The following BIVM variants were observed in gnomAD, a reference collection of about 807,000 sequenced individuals.
BIVM encodes basic immunoglobulin-like variable motif-containing protein.
BIVM carries 31 observed loss-of-function variants against 61.4 expected under a neutral mutation model. That is an observed-to-expected ratio of 0.51 (90% confidence interval 0.38 to 0.68). The LOEUF is 0.68. BIVM is among the 30% of genes least tolerant of loss of function. BIVM has a pLI of 0.00. For missense variants in BIVM, 526 were observed against 596.0 expected (o/e 0.88, Z 1.22); for synonymous variants, 189 against 210.7 (o/e 0.90, Z 0.89).
At chr13:102,801,287 G>A (rs1250079385) in intron 1 of BIVM, among the ~76,000 whole-genome samples, 1 of 147,452 alleles carries the variant, frequency 6.8e-6, no homozygotes, top group Non-Finnish European at 1.5e-5. Flanking sequence ...TGCTCTGATC[G>A]CCCAGGCTGG....
chr13:102,831,901 C>T (rs1048756807), intron 8 of BIVM, among the ~76,000 whole-genome samples: 5 of 144,214 alleles, frequency 3.5e-5, no homozygotes, highest in South Asian at 4.4e-4. Context: ...AAAAATTAGC[C>T]GGGCGTGGTG....
At chr13:102,810,043 G>A (rs1355022149) in intron 3 of BIVM, among the ~76,000 whole-genome samples, 2 of 152,030 alleles carry the variant, frequency 1.3e-5, no homozygotes, top group East Asian at 3.9e-4. Flanking sequence ...AAAGTGCTGG[G>A]ATTACAGGCG....
intron 9 of BIVM, among the ~76,000 whole-genome samples, chr13:102,835,801 G>A (rs912466577): frequency 1.3e-5 from 2 of 152,176 alleles, no homozygotes; most frequent in African/African-American, 4.8e-5. Flanking sequence ...CCAAAGTGTT[G>A]GGATTACAGG....
chr13:102,830,483 G>C (rs1243201991), intron 7 of BIVM, among the ~76,000 whole-genome samples: 1 of 152,156 alleles, frequency 6.6e-6, no homozygotes, highest in Admixed American at 6.5e-5. Flanking sequence ...ACTAAGTGCT[G>C]GTGAAAAGTC....
rs79307736 is a variant in BIVM, at chr13:102,818,836, C to T, written c.606-2201C>T. ...ATGAAAAATCTTAAGAGAAATTCCC[C>T]TTTCCCTCTCCTTTTTAAAAATTCT... On this transcript the variant is annotated intron_variant, in intron 4 of 10. Transcript: ENST00000257336. Among the ~76,000 whole-genome samples, 304 of 152,308 alleles carry T rather than the reference C, an allele frequency of 2.0e-3. 1 individual carries two copies. Among genetic ancestry groups the T allele is most frequent in the African/African-American group, 7.0e-3 (289 of 41,570 alleles).
In BIVM at chr13:102,831,548, T is replaced by G. The variant is rs186876693; in HGVS notation, c.902-17T>G. On this transcript the variant is annotated splice_polypyrimidine_tract_variant and intron_variant, in intron 7 of 10. Coordinates refer to ENST00000257336, the MANE Select transcript of BIVM (RefSeq NM_017693.4). Reference sequence around the variant, plus strand: ...CTTTATGGGCTTTCAGTTTGTGTGTTTGTTTGTTTTTAATAGCTTCAGGGG... The same window carrying G: ...CTTTATGGGCTTTCAGTTTGTGTGTGTGTTTGTTTTTAATAGCTTCAGGGG... 1.1e-4 allele frequency: 177 copies of G among 1,613,918 alleles called. No homozygotes were observed. In the African/African-American group the frequency reaches 2.1e-3, roughly 19 times the overall value.
intron 3 of BIVM, among the ~76,000 whole-genome samples, chr13:102,811,399 G>T (rs1355665320): frequency 6.6e-6 from 1 of 152,136 alleles, no homozygotes; most frequent in East Asian, 1.9e-4. Context: ...GAATATATCA[G>T]CCCACTTCCT....
chr13:102,804,269 C>T (rs974563787), intron 1 of BIVM, among the ~76,000 whole-genome samples: 1 of 151,644 alleles, frequency 6.6e-6, no homozygotes, highest in African/African-American at 2.4e-5. Flanking sequence ...CTCAGCCTCC[C>T]GAGTAGCTGG....
At chr13:102,820,779 A>AT in intron 4 of BIVM, 14 of 381,942 alleles carry the variant, frequency 3.7e-5, no homozygotes, top group Non-Finnish European at 3.7e-5. Context: ...ATATATCATT[A>AT]TTTTTTTTCC....
At chr13:102,825,129 TAG>T (rs1042686102) in intron 7 of BIVM, among the ~76,000 whole-genome samples, 3 of 152,046 alleles carry the variant, frequency 2.0e-5, no homozygotes, top group African/African-American at 7.2e-5. Context: ...TTTTTTTTAG[TAG>T]AGATGGGGTT....
chr13:102,807,803 C>T lies in BIVM; in HGVS notation c.478+58C>T. The T allele has an allele frequency of 6.8e-7, 1 of 1,476,230 alleles. No individual in the cohort carries two copies. Among genetic ancestry groups the T allele is most frequent in the Non-Finnish European group, 9.1e-7 (1 of 1,097,252 alleles). 91.4% of individuals were successfully genotyped at this position (1,476,230 alleles called of 1,614,324 possible). ...AATAATGAGAAAACAAACACTATGT[C>T]TTGTTTAATCTTGCCATTACACATA... On this transcript the variant is annotated intron_variant, in intron 3 of 10. Coordinates refer to ENST00000257336, the MANE Select transcript of BIVM (RefSeq NM_017693.4). The surrounding 1 kb of genome is among the most constrained non-coding windows in gnomAD (Gnocchi z 4.0).
intron 3 of BIVM, among the ~76,000 whole-genome samples, chr13:102,811,132 T>C (rs1489397797): frequency 2.0e-5 from 3 of 152,200 alleles, no homozygotes; most frequent in Admixed American, 2.0e-4. Context: ...AAAATAACAC[T>C]GGCTTTTATA....
chr13:102,807,955 A>G lies in BIVM; in HGVS notation c.478+210A>G, dbSNP rs1879212723. Among the ~76,000 whole-genome samples the G allele has an allele frequency of 2.6e-5, 4 of 152,164 alleles. No homozygotes were observed. The highest frequency in any genetic ancestry group is 1.3e-4 in the Admixed American group (2 of 15,274). ...GGCTTCCACTGGAAACTTCAAGCAT[A>G]AGCTTTGTATCAAATATTTTGAGAG... On this transcript the variant is annotated intron_variant, in intron 3 of 10. Coordinates refer to ENST00000257336, the MANE Select transcript of BIVM (RefSeq NM_017693.4). The surrounding 1 kb of genome is among the most constrained non-coding windows in gnomAD (Gnocchi z 4.0).
At chr13:102,817,492 C>A (rs907689794) in intron 4 of BIVM, among the ~76,000 whole-genome samples, 1 of 152,156 alleles carries the variant, frequency 6.6e-6, no homozygotes, top group East Asian at 1.9e-4. Context: ...CAGCTGTATT[C>A]TACATTGACG....
chr13:102,806,563 T>A (rs1241982714), intron 2 of BIVM, among the ~76,000 whole-genome samples: 1 of 152,206 alleles, frequency 6.6e-6, no homozygotes, highest in African/African-American at 2.4e-5. Flanking sequence ...TGGCAATTTC[T>A]GTACTGATTT....
rs894490980 is a variant in BIVM, at chr13:102,811,234, A to T, written c.478+3489A>T. ...TGTCCTTTCATTTCAACCAGCAGGA[A>T]TCCTTTTAGCATTCCTTACAGGGCA... On this transcript the variant is annotated intron_variant, in intron 3 of 10. Coordinates refer to ENST00000257336, the MANE Select transcript of BIVM (RefSeq NM_017693.4). Among the ~76,000 whole-genome samples the T allele has an allele frequency of 3.3e-5, 5 of 152,222 alleles. No homozygotes were observed. In the East Asian group the frequency reaches 9.6e-4, roughly 29 times the overall value.
chr13:102,821,121 G>A lies in BIVM; in HGVS notation c.690G>A (p.Met230Ile). 6.2e-7 allele frequency: 1 copy of A among 1,612,076 alleles called. No homozygotes were observed. Among genetic ancestry groups the A allele is most frequent in the Non-Finnish European group, 8.5e-7 (1 of 1,179,488 alleles). ...ISCWNFLYST[M>I]GAGNLPPITQ... ...GTTGGAATTTCTTATACAGCACAATGGGAGCTGGAAAGTAAGTATGTCAAT... is the reference window on the plus strand; with the variant it reads ...GTTGGAATTTCTTATACAGCACAATAGGAGCTGGAAAGTAAGTATGTCAAT... Residue 230 changes from methionine to isoleucine, a missense_variant, in exon 5 of 11, where the codon ATG becomes ATA. Around this residue, in one of 3 missense-constraint regions of BIVM, gnomAD observed 312 missense variants for 343.8 expected, o/e 0.91. Transcript: ENST00000257336.
At chr13:102,814,368 C>T (rs1424642885) in intron 3 of BIVM, among the ~76,000 whole-genome samples, 5 of 152,018 alleles carry the variant, frequency 3.3e-5, no homozygotes, top group Admixed American at 6.6e-5. Flanking sequence ...TTATGAAGTA[C>T]GCTCATTTGG....
At chr13:102,826,927 G>A (rs951629028) in intron 7 of BIVM, among the ~76,000 whole-genome samples, 1 of 152,078 alleles carries the variant, frequency 6.6e-6, no homozygotes, top group African/African-American at 2.4e-5. Flanking sequence ...GGAAACATCA[G>A]CTATATACAT....
Sources: gnomAD v4.1 joint callset for allele counts (sites outside exome capture counted in the v4.1 genomes callset) on GRCh38, gnomAD v4.1.1 for gene constraint, gnomAD v4.1.1 regional missense constraint, Gnocchi (gnomAD v3.1) non-coding constraint, MANE v1.5 for transcripts, NCBI Gene and HGNC (gene_info 2026-07-23, HGNC 2026-07-21) for gene names.